Variants in TRIP12 observed in about 807,000 individuals in gnomAD.
TRIP12 encodes the protein E3 ubiquitin-protein ligase TRIP12.
A neutral mutation model predicts 244.2 loss-of-function variants in TRIP12; 25 were observed. That is an observed-to-expected ratio of 0.10 (90% CI 0.07 to 0.14). The LOEUF (loss-of-function observed/expected upper bound fraction) is 0.14. TRIP12 is among the 10% of genes least tolerant of loss of function. TRIP12 has a pLI of 1.00. For synonymous variants in TRIP12, 905 were observed against 873.1 expected, an observed-to-expected ratio of 1.04 and a Z score of -0.64; for missense variants, 1,677 against 2,486.4, an observed-to-expected ratio of 0.67 and a Z score of 6.92.
chr2:229,860,405 C>T lies in TRIP12; in HGVS notation c.224+1G>A. 6.3e-7 allele frequency: 1 copy of T among 1,591,854 alleles called. No homozygotes were observed. The highest frequency in any genetic ancestry group is 8.5e-7 in the Non-Finnish European group (1 of 1,170,290). On this transcript the variant is annotated splice_donor_variant, in intron 3 of 41. Coordinates refer to ENST00000675903, the MANE Select transcript of TRIP12 (RefSeq NM_001348323.3). LOFTEE classifies it high-confidence loss of function. ...AATGTATAAGCAACATGAAGATTTA[C>T]CTTTTAGAAAGGTGTCCCCTTGACA...
chr2:229,898,831 A>G (rs80167705), intron 1 of TRIP12, among the ~76,000 whole-genome samples: 2,343 of 151,608 alleles, frequency 0.015, 65 homozygotes, highest in African/African-American at 0.053. Context: ...AGCTAGAATT[A>G]TAAGTGTGCC....
At position 229,807,840 on chromosome 2, in the gene TRIP12, T is replaced by G. The variant is rs754451258; in HGVS notation, c.2364A>C (p.Lys788Asn). 3.1e-6 allele frequency: 5 copies of G among 1,614,054 alleles called. No individual in the cohort carries two copies. Among genetic ancestry groups the G allele is most frequent in the Non-Finnish European group, 4.2e-6 (5 of 1,179,948 alleles). ...LICELMPCLP[K>N]EGIFAVDTML... is the part of the protein sequence containing the mutation. ...TGGTATCAACTGCAAAAATGCCTTCTTTTGGTAAACATGGCATAAGTTCAC... is the reference window on the plus strand; with the variant it reads ...TGGTATCAACTGCAAAAATGCCTTCGTTTGGTAAACATGGCATAAGTTCAC... The change falls in exon 17 of 42, where the codon AAA becomes AAC. Residue 788 changes from lysine (K) to asparagine (N), a missense_variant. Physicochemically the swap from Lys to Asn is moderately conservative, Grantham distance 94. This residue lies in a region of TRIP12 where 572 missense variants were observed against 867.8 expected (regional missense o/e 0.66). Transcript: ENST00000675903.
intron 1 of TRIP12, among the ~76,000 whole-genome samples, chr2:229,915,633 A>AGAC (rs2075239848): frequency 6.6e-6 from 1 of 150,736 alleles, no homozygotes; most frequent in Non-Finnish European, 1.5e-5. Context: ...AGTTAAAAAA[A>AGAC]GGGTGAGGGC....
chr2:229,886,155 G>GT (rs1202106770), intron 1 of TRIP12, among the ~76,000 whole-genome samples: 1 of 152,110 alleles, frequency 6.6e-6, no homozygotes, highest in Non-Finnish European at 1.5e-5. Context: ...AAAATCAGCA[G>GT]TTTTGTATGG....
chr2:229,836,758 G>A (rs1242788431), intron 6 of TRIP12, 90 bp downstream of exon 6: 2 of 1,382,264 alleles, frequency 1.4e-6, no homozygotes, highest in Non-Finnish European at 1.9e-6. Flanking sequence ...AAGTTTATAC[G>A]ATAGTAACAC....
chr2:229,906,303 C>CAAAA (rs34519454), intron 1 of TRIP12, among the ~76,000 whole-genome samples: 2 of 98,976 alleles, frequency 2.0e-5, no homozygotes, highest in Admixed American at 1.1e-4. Context: ...GAGACTGTCT[C>CAAAA]AAAAAAAAAA....
intron 1 of TRIP12, among the ~76,000 whole-genome samples, chr2:229,920,767 A>G (rs1013843434): frequency 6.6e-6 from 1 of 152,120 alleles, no homozygotes; most frequent in South Asian, 2.1e-4. Context: ...CGTCTAGGAA[A>G]TGAAGGATTT....
In TRIP12 at chr2:229,764,624, C is replaced by A. The variant is rs1339562031; in HGVS notation, c.*2930G>T. Reference sequence around the variant, plus strand: ...AGCCAGAAGGAAGACGGCAAACTTACAACTTACTCGCGACAGTCCTCAGTG... The same window carrying A: ...AGCCAGAAGGAAGACGGCAAACTTAAAACTTACTCGCGACAGTCCTCAGTG... On this transcript the variant is annotated 3_prime_UTR_variant, in exon 42 of 42. Transcript: ENST00000675903. 3.3e-5 allele frequency: 5 copies of A among 152,240 alleles called. No individual in the cohort carries two copies. The highest frequency in any genetic ancestry group is 3.8e-4 in the East Asian group (2 of 5,196). 9.4% of individuals were successfully genotyped at this position (152,240 alleles called of 1,614,324 possible). A position where few individuals can be genotyped will look rare whatever the true frequency, so the allele number is the denominator to read the frequency against.
Position 229,791,950 on chromosome 2 carries a change from T to C in TRIP12, c.4331A>G (p.Gln1444Arg). 1 of 1,614,168 alleles carries C rather than the reference T, an allele frequency of 6.2e-7. No individual in the cohort carries two copies. The highest frequency in any genetic ancestry group is 8.5e-7 in the Non-Finnish European group (1 of 1,180,004). ...TGTGGATTCTCTTTCATCTTCAGCCTGTATACTAAACTGCCGTACTGCCTG... is the reference window on the plus strand; with the variant it reads ...TGTGGATTCTCTTTCATCTTCAGCCCGTATACTAAACTGCCGTACTGCCTG... ...VYQAVRQFSIQAEDERESTDD... is the reference protein window; with the variant it reads ...VYQAVRQFSIRAEDERESTDD... The change falls in exon 29 of 42, where the codon CAG (glutamine) becomes CGG (arginine). Residue 1444 changes from glutamine to arginine, a missense_variant. By Grantham distance (43) the Gln-to-Arg change is conservative. This residue lies in a region of TRIP12 where 265 missense variants were observed against 370.8 expected (regional missense o/e 0.71). Transcript: ENST00000675903.
chr2:229,894,001 C>A (rs771799884), intron 1 of TRIP12, among the ~76,000 whole-genome samples: 38 of 152,030 alleles, frequency 2.5e-4, no homozygotes, highest in Non-Finnish European at 4.9e-4. Flanking sequence ...GCTAAAAATA[C>A]AAAAAGTGGC....
intron 31 of TRIP12, 82 bp from the exon 32 acceptor site, chr2:229,789,022 G>A (rs758517386): frequency 7.6e-6 from 10 of 1,321,426 alleles, no homozygotes; most frequent in Non-Finnish European, 9.3e-6. Flanking sequence ...TTATCCCCAA[G>A]TCCATGCAAA....
chr2:229,899,779 T>C (rs192245203), intron 1 of TRIP12, among the ~76,000 whole-genome samples: 5 of 152,164 alleles, frequency 3.3e-5, no homozygotes, highest in Admixed American at 2.0e-4. Flanking sequence ...AAGGGAGTTC[T>C]AGCAAGAGAC....
At chr2:229,838,488 G>C (rs1333285086) in intron 5 of TRIP12, among the ~76,000 whole-genome samples, 6 of 152,158 alleles carry the variant, frequency 3.9e-5, no homozygotes, top group Non-Finnish European at 8.8e-5. Context: ...GACGGCCTGC[G>C]CACAGCATGA....
chr2:229,853,598 A>G (rs1247043295), intron 4 of TRIP12, among the ~76,000 whole-genome samples: 1 of 152,158 alleles, frequency 6.6e-6, no homozygotes, highest in African/African-American at 2.4e-5. Flanking sequence ...GGGAGGATGC[A>G]GTGAGCAGAG....
At chr2:229,796,340 CCT>C (rs1359382411) in intron 25 of TRIP12, among the ~76,000 whole-genome samples, 1 of 152,090 alleles carries the variant, frequency 6.6e-6, no homozygotes, top group Non-Finnish European at 1.5e-5. Context: ...AATGGCTCAT[CCT>C]GCAAGCAAAA....
intron 1 of TRIP12, among the ~76,000 whole-genome samples, chr2:229,884,254 T>TG (rs2065508689): frequency 6.8e-6 from 1 of 146,990 alleles, no homozygotes; most frequent in Non-Finnish European, 1.5e-5. Flanking sequence ...TTTTTTTTTT[T>TG]GAGACAGAGC....
intron 1 of TRIP12, among the ~76,000 whole-genome samples, chr2:229,884,583 CAAAG>C (rs1468873921): frequency 6.6e-6 from 1 of 152,036 alleles, no homozygotes. Flanking sequence ...CATACGCACA[CAAAG>C]AAAGGCTAAA....
At chr2:229,847,809 T>C (rs1055173249) in intron 4 of TRIP12, among the ~76,000 whole-genome samples, 1 of 152,168 alleles carries the variant, frequency 6.6e-6, no homozygotes, top group Non-Finnish European at 1.5e-5. Flanking sequence ...TGGGTAACCA[T>C]TCCTCTCCTG....
chr2:229,788,609 A>G (rs1258186254), intron 32 of TRIP12, among the ~76,000 whole-genome samples, 189 bp downstream of exon 32: 3 of 152,222 alleles, frequency 2.0e-5, no homozygotes, highest in Admixed American at 2.0e-4. Flanking sequence ...ACATACTACC[A>G]AGAAGATCCA....
Sources: allele counts gnomAD v4.1 joint callset (sites outside exome capture counted in the v4.1 genomes callset), GRCh38; gene constraint gnomAD v4.1.1; regional missense constraint gnomAD v4.1.1; transcripts MANE v1.5; gene names NCBI Gene and HGNC (gene_info 2026-07-23, HGNC 2026-07-21).